MYPOP: variants seen among roughly 807,000 people sequenced by gnomAD.
The protein encoded by MYPOP is myb-related transcription factor, partner of profilin.
A neutral mutation model predicts 25.7 loss-of-function variants in MYPOP; 21 were observed. That is an observed-to-expected ratio of 0.82 (90% CI 0.58 to 1.18). The LOEUF (loss-of-function observed/expected upper bound fraction) is 1.18, where lower values mean the gene tolerates loss of function less well. MYPOP is among the 50% of genes most tolerant of loss of function. The pLI, the probability that MYPOP is intolerant of heterozygous loss-of-function variation, is 0.00. For missense variants in MYPOP, 566 were observed against 588.3 expected (o/e 0.96, Z 0.39); for synonymous variants, 280 against 247.9 (o/e 1.13, Z -1.22).
rs1967096343 is a variant in MYPOP at position 45,890,215 on chromosome 19, C to G, written c.*408G>C. On this transcript the variant is annotated 3_prime_UTR_variant, in exon 3 of 3. Transcript: ENST00000322217. ...GTCATCCGTATTTTGATTTGTCTTA[C>G]AACTCCCACCCGCTCCAAAGTCTGG... The G allele has an allele frequency of 5.9e-6, 1 of 169,484 alleles. No individual in the cohort carries two copies. Among genetic ancestry groups the G allele is most frequent in the South Asian group, 1.8e-4 (1 of 5,670 alleles). The allele number at this position is 169,484 out of a possible 1,614,324, so 10.5% of individuals were successfully genotyped here. A position where few individuals can be genotyped will look rare whatever the true frequency, so the allele number is the denominator to read the frequency against.
rs759172432 is a variant in MYPOP, at chr19:45,901,416, G to A, written c.358C>T (p.Leu120=). The A allele has an allele frequency of 4.5e-6, 7 of 1,565,198 alleles. No homozygotes were observed. Among genetic ancestry groups the A allele is most frequent in the Non-Finnish European group, 6.1e-6 (7 of 1,155,696 alleles). ...CCCGGCGCCGCCACACCTGGCCCCA[G>A]GATGGCAAAAATGGTCTCCTCTTCC... ...SAEEETIFAI[L]GPGVAAPGAG... is the part of the protein sequence containing the mutation. Residue 120 remains leucine, a synonymous_variant, in exon 2 of 3, where the codon CTG becomes TTG. Transcript: ENST00000322217. The surrounding 1 kb of genome is among the most constrained non-coding windows in gnomAD (Gnocchi z 5.7).
At chr19:45,891,474 TCA>T in intron 2 of MYPOP, 151 bp from the exon 3 acceptor site, 1 of 940,942 alleles carries the variant, frequency 1.1e-6, no homozygotes, top group Non-Finnish European at 1.5e-6. Flanking sequence ...TCTTGGTCTG[TCA>T]CCCAGGCTGT....
At position 45,890,449 on chromosome 19, in the gene MYPOP, G is replaced by A. The variant is rs1032890700; in HGVS notation, c.*174C>T. 3.8e-6 allele frequency: 4 copies of A among 1,047,310 alleles called. No homozygotes were observed. In the South Asian group the frequency reaches 7.0e-5, roughly 18 times the overall value. 64.9% of individuals were successfully genotyped at this position (1,047,310 alleles called of 1,614,324 possible). ...TGTACCAGAGAAAGGGGTTGGGGGG[G>A]CCCATTACTGAGGCCCCCCCCAGAG... On this transcript the variant is annotated 3_prime_UTR_variant, in exon 3 of 3. Transcript: ENST00000322217.
At chr19:45,896,550 C>CAGAG (rs2146379092) in intron 2 of MYPOP, among the ~76,000 whole-genome samples, 1 of 152,020 alleles carries the variant, frequency 6.6e-6, no homozygotes, top group East Asian at 1.9e-4. Flanking sequence ...ATTTGAGGCT[C>CAGAG]AGAGAGAGGT....
At chr19:45,902,189 G>A (rs1967311007) in intron 1 of MYPOP, among the ~76,000 whole-genome samples, 1 of 130,180 alleles carries the variant, frequency 7.7e-6, no homozygotes, top group Non-Finnish European at 1.6e-5. Flanking sequence ...GCCTCGGGGG[G>A]GTCTTAGATG....
chr19:45,895,028 T>C (rs554962821), intron 2 of MYPOP, among the ~76,000 whole-genome samples: 2 of 152,190 alleles, frequency 1.3e-5, no homozygotes, highest in African/African-American at 4.8e-5. Context: ...TATTGCAATA[T>C]AATTGTTTAA....
chr19:45,894,385 T>C (rs1188648178), intron 2 of MYPOP, among the ~76,000 whole-genome samples: 1 of 152,028 alleles, frequency 6.6e-6, no homozygotes, highest in East Asian at 1.9e-4. Context: ...AGTGCTAGGA[T>C]TATAGGCGTG....
chr19:45,898,815 C>T lies in MYPOP; in HGVS notation c.499+2460G>A, dbSNP rs919544562. ...CCTGATTACCCTGTCTGTATAGCCCCCTTCCATGACTCACCATCCTCTGAA... is the reference window on the plus strand; with the variant it reads ...CCTGATTACCCTGTCTGTATAGCCCTCTTCCATGACTCACCATCCTCTGAA... On this transcript the variant is annotated intron_variant, in intron 2 of 2. Transcript: ENST00000322217. Among the ~76,000 whole-genome samples, 3 of 152,246 alleles carry T rather than the reference C, an allele frequency of 2.0e-5. No homozygotes were observed. In the East Asian group the frequency reaches 5.8e-4, roughly 29 times the overall value.
chr19:45,891,453 C>A, intron 2 of MYPOP, 130 bp from the exon 3 acceptor site: 1 of 1,144,768 alleles, frequency 8.7e-7, no homozygotes, highest in East Asian at 2.9e-5. Context: ...CGCCCCCCAG[C>A]CCCAAGACAG....
rs781157140 is a variant in MYPOP, at chr19:45,890,570, G to A, written c.*53C>T. ...ATGGGCAGAGAGCATCGCCCCCCTCGACTGCGCCAAGCTGGGGAGAGGGGT... is the reference window on the plus strand; with the variant it reads ...ATGGGCAGAGAGCATCGCCCCCCTCAACTGCGCCAAGCTGGGGAGAGGGGT... On this transcript the variant is annotated 3_prime_UTR_variant, in exon 3 of 3. Transcript: ENST00000322217. 528 of 1,595,408 alleles carry A rather than the reference G, an allele frequency of 3.3e-4. No homozygotes were observed. The highest frequency in any genetic ancestry group is 4.3e-4 in the Non-Finnish European group (506 of 1,169,570).
At position 45,901,402 on chromosome 19, in the gene MYPOP, C is replaced by T; in HGVS notation, c.372G>A (p.Val124=). Reference sequence around the variant, plus strand: ...CCCCAGCACCTGCCCCCGGCGCCGCCACACCTGGCCCCAGGATGGCAAAAA... The same window carrying T: ...CCCCAGCACCTGCCCCCGGCGCCGCTACACCTGGCCCCAGGATGGCAAAAA... The part of the protein sequence containing the change: ...ETIFAILGPG[V]AAPGAGAGAE... The change falls in exon 2 of 3, where the codon GTG becomes GTA. Residue 124 remains valine, a synonymous_variant. Coordinates refer to ENST00000322217, the MANE Select transcript of MYPOP (RefSeq NM_001012643.4). The surrounding 1 kb of genome is among the most constrained non-coding windows in gnomAD (Gnocchi z 5.7). 1 of 1,543,978 alleles carries T rather than the reference C, an allele frequency of 6.5e-7. No individual in the cohort carries two copies. The highest frequency in any genetic ancestry group is 1.2e-5 in the South Asian group (1 of 82,496).
chr19:45,899,167 G>A (rs574929763), intron 2 of MYPOP, among the ~76,000 whole-genome samples: 2 of 152,186 alleles, frequency 1.3e-5, no homozygotes, highest in South Asian at 4.2e-4. Flanking sequence ...CGGAGGTTGC[G>A]GTGAGCCGAG....
At chr19:45,900,441 C>G (rs1285394265) in intron 2 of MYPOP, among the ~76,000 whole-genome samples, 1 of 141,704 alleles carries the variant, frequency 7.1e-6, no homozygotes, top group Non-Finnish European at 1.5e-5. Flanking sequence ...AGGAAGCCCT[C>G]CTGGACCACC....
chr19:45,900,427 C>T (rs1367508383), intron 2 of MYPOP, among the ~76,000 whole-genome samples: 1 of 151,444 alleles, frequency 6.6e-6, no homozygotes, highest in Non-Finnish European at 1.5e-5. Flanking sequence ...ATGTCCCCTC[C>T]TCCAGGAAGC....
intron 2 of MYPOP, among the ~76,000 whole-genome samples, chr19:45,894,662 T>TTA (rs1362116689): frequency 6.6e-6 from 1 of 152,052 alleles, no homozygotes; most frequent in Non-Finnish European, 1.5e-5. Context: ...ATCGTACACT[T>TTA]TGAGGTGATT....
At chr19:45,891,561 C>T (rs191772571) in intron 2 of MYPOP, among the ~76,000 whole-genome samples, 146 of 151,418 alleles carry the variant, frequency 9.6e-4, no homozygotes, top group Non-Finnish European at 1.6e-3. Flanking sequence ...CTCAGCCTCC[C>T]GAGTAGCTGG....
intron 2 of MYPOP, among the ~76,000 whole-genome samples, chr19:45,895,285 G>A (rs370671917): frequency 6.6e-5 from 10 of 151,736 alleles, no homozygotes; most frequent in African/African-American, 2.2e-4. Context: ...TCATTCTGTC[G>A]CCCAGGCTGG....
chr19:45,892,007 T>C (rs1025892522), intron 2 of MYPOP, among the ~76,000 whole-genome samples: 3 of 151,558 alleles, frequency 2.0e-5, no homozygotes, highest in African/African-American at 7.3e-5. Flanking sequence ...GCAACCTCTG[T>C]CTTCCGGCTT....
intron 2 of MYPOP, among the ~76,000 whole-genome samples, chr19:45,893,605 CAG>C (rs937704878): frequency 7.0e-6 from 1 of 142,624 alleles, no homozygotes; most frequent in African/African-American, 2.6e-5. Flanking sequence ...TCTATAGAAA[CAG>C]AAAGTAGATG....
Sources: allele counts gnomAD v4.1 joint callset (sites outside exome capture counted in the v4.1 genomes callset), GRCh38; gene constraint gnomAD v4.1.1; non-coding constraint Gnocchi (gnomAD v3.1); transcripts MANE v1.5; gene names NCBI Gene and HGNC (gene_info 2026-07-23, HGNC 2026-07-21).